The following PCP4L1 variants were observed in gnomAD, a reference collection of about 807,000 sequenced individuals.
The protein encoded by PCP4L1 is Purkinje cell protein 4 like 1, also known as Purkinje cell protein 4-like protein 1.
PCP4L1 carries 9 observed loss-of-function variants against 9.6 expected under a neutral mutation model. The observed-to-expected ratio is 0.94, with a 90% confidence interval of 0.57 to 1.64. PCP4L1 has a LOEUF of 1.64. PCP4L1 is among the 40% of genes most tolerant of loss of function. The pLI is 0.00. For missense variants in PCP4L1, 81 were observed against 80.8 expected (o/e 1.00, Z -0.01); for synonymous variants, 31 against 28.2 (o/e 1.10, Z -0.31).
chr1:161,268,560 T>C (rs1348878936), intron 1 of PCP4L1, among the ~76,000 whole-genome samples: 1 of 146,858 alleles, frequency 6.8e-6, no homozygotes, highest in African/African-American at 2.5e-5. Flanking sequence ...CCTTTTTTTT[T>C]TTTTTTTTTT....
At chr1:161,272,767 A>C (rs2102236641) in intron 1 of PCP4L1, among the ~76,000 whole-genome samples, 1 of 152,042 alleles carries the variant, frequency 6.6e-6, no homozygotes, top group Middle Eastern at 3.4e-3. Flanking sequence ...GGGAAGCTTT[A>C]TATGTGAGAG....
At position 161,285,293 on chromosome 1, in the gene PCP4L1, A is replaced by G. The variant is rs1455415922; in HGVS notation, c.*812A>G. The G allele has an allele frequency of 1.3e-5, 2 of 152,330 alleles. No homozygotes were observed. Among genetic ancestry groups the G allele is most frequent in the African/African-American group, 2.4e-5 (1 of 41,418 alleles). The allele number at this position is 152,330 out of a possible 1,614,324, so 9.4% of individuals were successfully genotyped here. ...GCTCACCGCTAACCCTCCAAGTCTA[A>G]CCATCCCCAGAGGCCACACAAACCA... is the stretch of plus-strand genomic sequence containing the variant. On this transcript the variant is annotated 3_prime_UTR_variant, in exon 3 of 3. Transcript: ENST00000504449.
chr1:161,270,807 G>A (rs760219774), intron 1 of PCP4L1, among the ~76,000 whole-genome samples: 4 of 151,458 alleles, frequency 2.6e-5, no homozygotes, highest in Admixed American at 1.3e-4. Context: ...CCCAGGAGGT[G>A]GAGGTCGCAG....
intron 1 of PCP4L1, among the ~76,000 whole-genome samples, chr1:161,275,057 G>T (rs1669676572): frequency 6.6e-6 from 1 of 152,076 alleles, no homozygotes; most frequent in South Asian, 2.1e-4. Context: ...TCCATTCCAG[G>T]GCCAGTGATC....
Position 161,284,418 on chromosome 1 carries a change from T to A in PCP4L1, c.144T>A (p.Ala48=). 6.2e-7 allele frequency: 1 copy of A among 1,613,998 alleles called. No homozygotes were observed. Among genetic ancestry groups the A allele is most frequent in the Non-Finnish European group, 8.5e-7 (1 of 1,179,890 alleles). ...IDLTAPETEK[A]ALAIQGKFRR... ...TGACAGCACCAGAAACAGAGAAGGC[T>A]GCCCTTGCTATTCAGGGCAAGTTCC... Residue 48 remains alanine, a synonymous_variant, in exon 3 of 3, where the codon GCT becomes GCA. Transcript: ENST00000504449.
intron 1 of PCP4L1, among the ~76,000 whole-genome samples, chr1:161,265,165 CA>C (rs1669508770): frequency 6.6e-6 from 1 of 152,152 alleles, no homozygotes; most frequent in African/African-American, 2.4e-5. Context: ...GATGAACAAA[CA>C]GCCTCTGGGT....
intron 1 of PCP4L1, among the ~76,000 whole-genome samples, chr1:161,265,788 G>C (rs1349359104): frequency 6.9e-6 from 1 of 145,294 alleles, no homozygotes; most frequent in Non-Finnish European, 1.5e-5. Flanking sequence ...GCCCAGGCTG[G>C]AGTGCAGTGG....
At chr1:161,280,115 C>A (rs975478464) in intron 1 of PCP4L1, among the ~76,000 whole-genome samples, 2 of 152,214 alleles carry the variant, frequency 1.3e-5, no homozygotes, top group Non-Finnish European at 2.9e-5. Flanking sequence ...TACTCTCCTA[C>A]TTGCCTAGGT....
At chr1:161,265,758 G>A (rs1323966476) in intron 1 of PCP4L1, among the ~76,000 whole-genome samples, 5 of 38,132 alleles carry the variant, frequency 1.3e-4, no homozygotes, top group African/African-American at 4.7e-4. Context: ...TTTTTTTTTT[G>A]AGACAGTTTC....
intron 1 of PCP4L1, among the ~76,000 whole-genome samples, chr1:161,267,934 A>C (rs1669556253): frequency 2.0e-5 from 3 of 152,158 alleles, no homozygotes; most frequent in Non-Finnish European, 4.4e-5. Flanking sequence ...GCTGGTCTCA[A>C]ACTCCTGACC....
chr1:161,270,825 A>G (rs889808481), intron 1 of PCP4L1, among the ~76,000 whole-genome samples: 2 of 150,634 alleles, frequency 1.3e-5, no homozygotes, highest in African/African-American at 2.4e-5. Context: ...CAGTGAGCTG[A>G]AATCGTGCCA....
At chr1:161,271,145 A>G (rs1669618966) in intron 1 of PCP4L1, among the ~76,000 whole-genome samples, 1 of 152,236 alleles carries the variant, frequency 6.6e-6, no homozygotes, top group Admixed American at 6.5e-5. Flanking sequence ...GAAATTGCCA[A>G]AGTAGCTATA....
rs549954172 is a variant in PCP4L1 at position 161,281,443 on chromosome 1, G to A, written c.10-2225G>A. On this transcript the variant is annotated intron_variant, in intron 1 of 2. Transcript: ENST00000504449. ...CCGGGCAGAGGCGCCCCCACCTCCC[G>A]GACGGGGCGGCTGGCCAGGCGGAGG... Among the ~76,000 whole-genome samples, 13 of 142,682 alleles carry A rather than the reference G, an allele frequency of 9.1e-5. No individual in the cohort carries two copies. The East Asian group carries it at 1.6e-3, about 17-fold the overall frequency. The allele number at this position is 142,682 out of a possible 152,430, so 93.6% of individuals were successfully genotyped here.
At chr1:161,273,137 AG>A (rs1343848826) in intron 1 of PCP4L1, among the ~76,000 whole-genome samples, 2 of 152,246 alleles carry the variant, frequency 1.3e-5, no homozygotes, top group Non-Finnish European at 2.9e-5. Flanking sequence ...GGGAATTGGC[AG>A]TATCACCAAG....
chr1:161,275,931 G>C (rs149191416), intron 1 of PCP4L1, among the ~76,000 whole-genome samples: 1 of 151,978 alleles, frequency 6.6e-6, no homozygotes, highest in African/African-American at 2.4e-5. Flanking sequence ...CAGTAGCTGG[G>C]ATTACATTTG....
intron 1 of PCP4L1, among the ~76,000 whole-genome samples, chr1:161,262,733 T>G (rs375449475): frequency 3.3e-5 from 5 of 152,310 alleles, no homozygotes; most frequent in African/African-American, 1.2e-4. Context: ...ACAAACTTGA[T>G]GCATCTTTCA....
Position 161,258,989 on chromosome 1 carries a change from C to A in PCP4L1, c.9+6C>A. ...CGGCTGCGGAGATGAGCGAGGTGAGCGGTGCGGCCCCCGGCGCTGTCGGCA... is the reference window on the plus strand; with the variant it reads ...CGGCTGCGGAGATGAGCGAGGTGAGAGGTGCGGCCCCCGGCGCTGTCGGCA... On this transcript the variant is annotated splice_donor_region_variant and intron_variant, in intron 1 of 2. Transcript: ENST00000504449. The A allele has an allele frequency of 2.0e-6, 3 of 1,532,276 alleles. No individual in the cohort carries two copies. The highest frequency in any genetic ancestry group is 2.6e-6 in the Non-Finnish European group (3 of 1,145,158). The allele number at this position is 1,532,276 out of a possible 1,614,324, so 94.9% of individuals were successfully genotyped here. A position where few individuals can be genotyped will look rare whatever the true frequency, so the allele number is the denominator to read the frequency against.
rs779549394 is a variant in PCP4L1, at chr1:161,284,428, A to G, written c.154A>G (p.Ile52Val). The change falls in exon 3 of 3, where the codon ATT (isoleucine) becomes GTT (valine). Residue 52 changes from isoleucine to valine, a missense_variant. Physicochemically the swap from Ile to Val is conservative, Grantham distance 29. Coordinates refer to ENST00000504449, the MANE Select transcript of PCP4L1 (RefSeq NM_001102566.2). ...APETEKAALA[I>V]QGKFRRFQKR... ...AGAAACAGAGAAGGCTGCCCTTGCT[A>G]TTCAGGGCAAGTTCCGGCGATTTCA... The G allele has an allele frequency of 2.5e-6, 4 of 1,614,018 alleles. No homozygotes were observed. The South Asian group carries it at 3.3e-5, about 13-fold the overall frequency.
rs1420167211 is a variant in PCP4L1 at position 161,278,296 on chromosome 1, A to C, written c.10-5372A>C. ...GTCTCAAGTCTTAGTATTTCCTATTATCTCCATCACTACCACCCTAGTCCA... is the reference window on the plus strand; with the variant it reads ...GTCTCAAGTCTTAGTATTTCCTATTCTCTCCATCACTACCACCCTAGTCCA... On this transcript the variant is annotated intron_variant, in intron 1 of 2. Coordinates refer to ENST00000504449, the MANE Select transcript of PCP4L1 (RefSeq NM_001102566.2). 2.0e-5 allele frequency among the ~76,000 whole-genome samples: 3 copies of C among 152,008 alleles called. No homozygotes were observed. The East Asian group carries it at 5.8e-4, about 29-fold the overall frequency.
Sources: gnomAD v4.1 joint callset for allele counts (sites outside exome capture counted in the v4.1 genomes callset) on GRCh38, gnomAD v4.1.1 for gene constraint, MANE v1.5 for transcripts, NCBI Gene and HGNC (gene_info 2026-07-23, HGNC 2026-07-21) for gene names.